BAHCC1: variants seen among roughly 807,000 people sequenced by gnomAD.
The protein encoded by BAHCC1 is BAH domain and coiled-coil containing 1.
A neutral mutation model predicts 88.2 loss-of-function variants in BAHCC1; 43 were observed. That is an observed-to-expected ratio of 0.49 (90% CI 0.38 to 0.63). The LOEUF (loss-of-function observed/expected upper bound fraction) is 0.63. BAHCC1 is among the 20% of genes least tolerant of loss of function. BAHCC1 has a pLI of 0.00. For synonymous variants in BAHCC1, 1,510 were observed against 745.5 expected, an observed-to-expected ratio of 2.03 and a Z score of -16.71; for missense variants, 3,023 against 1,654.8, an observed-to-expected ratio of 1.83 and a Z score of -14.34.
At chr17:81,405,130 GCTCACTGC>G (rs1290708270) in intron 2 of BAHCC1, among the ~76,000 whole-genome samples, 12 of 152,158 alleles carry the variant, frequency 7.9e-5, no homozygotes, top group Admixed American at 2.6e-4. Flanking sequence ...CACAATCTTG[GCTCACTGC>G]CTCACTGCAA....
chr17:81,418,209 C>T (rs1289942449), intron 2 of BAHCC1, among the ~76,000 whole-genome samples: 1 of 152,214 alleles, frequency 6.6e-6, no homozygotes, highest in Non-Finnish European at 1.5e-5. Flanking sequence ...CGGGACAGAG[C>T]GCCGCCCCGA....
intron 2 of BAHCC1, among the ~76,000 whole-genome samples, chr17:81,410,420 C>G (rs2063935337): frequency 6.6e-6 from 1 of 152,232 alleles, no homozygotes; most frequent in Non-Finnish European, 1.5e-5. Flanking sequence ...AACCTGGGCC[C>G]TTGGCTCCTG....
Position 81,461,356 on chromosome 17 carries a change from G to T in BAHCC1, c.6693G>T (p.Lys2231Asn). Reference protein sequence around the residue: ...KTCKALLMGDKDFSPKLGRPL... With the variant: ...KTCKALLMGDNDFSPKLGRPL... Reference sequence around the variant, plus strand: ...GCAAGGCGTTGCTCATGGGGGACAAGGACTTCAGCCCCAAGCTCGGGCGGC... The same window carrying T: ...GCAAGGCGTTGCTCATGGGGGACAATGACTTCAGCCCCAAGCTCGGGCGGC... Residue 2231 changes from lysine to asparagine, a missense_variant, in exon 26 of 28, where the codon AAG (lysine) becomes AAT (asparagine). Lys to Asn is a moderately conservative substitution (Grantham distance 94). Transcript: ENST00000675386. 1.4e-6 allele frequency: 1 copy of T among 729,320 alleles called. No homozygotes were observed. Among genetic ancestry groups the T allele is most frequent in the Non-Finnish European group, 2.5e-6 (1 of 395,814 alleles). The allele number at this position is 729,320 out of a possible 1,614,324, so 45.2% of individuals were successfully genotyped here. A position where few individuals can be genotyped will look rare whatever the true frequency, so the allele number is the denominator to read the frequency against.
At chr17:81,452,923 C>T in intron 14 of BAHCC1, 72 bp downstream of exon 14, 1 of 640,490 alleles carries the variant, frequency 1.6e-6, no homozygotes, top group Non-Finnish European at 2.8e-6. Context: ...GGAGCAGGGT[C>T]CAGGCTCCCC....
chr17:81,397,269 A>G (rs1224303892), intron 1 of BAHCC1: 5 of 152,162 alleles, frequency 3.3e-5, no homozygotes, highest in South Asian at 2.1e-4. Context: ...GTGAGAAAGG[A>G]ACAATCGGGC....
chr17:81,403,985 G>A (rs782649535), intron 2 of BAHCC1, among the ~76,000 whole-genome samples: 6 of 152,248 alleles, frequency 3.9e-5, no homozygotes, highest in African/African-American at 1.2e-4. Flanking sequence ...TGAGTAATAA[G>A]GCAAATTAGT....
At chr17:81,426,342 T>C (rs2064198146) in intron 2 of BAHCC1, among the ~76,000 whole-genome samples, 64 of 106,646 alleles carry the variant, frequency 6.0e-4, no homozygotes, top group African/African-American at 1.9e-3. Flanking sequence ...GTGGTGATAG[T>C]CGTGGGTGAT....
At chr17:81,427,560 C>T (rs1322515788) in intron 3 of BAHCC1, among the ~76,000 whole-genome samples, 2 of 152,138 alleles carry the variant, frequency 1.3e-5, no homozygotes, top group African/African-American at 4.8e-5. Context: ...CCTGGAGGCC[C>T]CCCTGGCCTT....
intron 1 of BAHCC1, chr17:81,396,653 A>T (rs2063749312): frequency 6.6e-6 from 1 of 152,088 alleles, no homozygotes; most frequent in Non-Finnish European, 1.5e-5. Flanking sequence ...GGGCGAGGAG[A>T]GAGCGGGTTT....
Position 81,399,981 on chromosome 17 carries a change from C to T in BAHCC1, c.178+64C>T, listed in dbSNP as rs1412192588. ...TCGAGAGCGGAACAGGGCGCCCACC[C>T]CTCCGCTCCCGGGAGCAGAGAAGCT... is the stretch of plus-strand genomic sequence containing the variant. On this transcript the variant is annotated intron_variant, in intron 2 of 27. Transcript: ENST00000675386. The surrounding 1 kb of genome is among the most constrained non-coding windows in gnomAD (Gnocchi z 4.5). The T allele has an allele frequency of 1.8e-5, 22 of 1,217,454 alleles. No homozygotes were observed. The highest frequency in any genetic ancestry group is 3.2e-4 in the Middle Eastern group (1 of 3,130). The allele number at this position is 1,217,454 out of a possible 1,614,324, so 75.4% of individuals were successfully genotyped here.
At chr17:81,416,665 G>T (rs572106030) in intron 2 of BAHCC1, among the ~76,000 whole-genome samples, 1 of 152,324 alleles carries the variant, frequency 6.6e-6, no homozygotes, top group African/African-American at 2.4e-5. Flanking sequence ...CACAAGGATG[G>T]GTGAGCACAC....
intron 10 of BAHCC1, chr17:81,446,726 A>AT (rs1322375108): frequency 1.4e-5 from 7 of 514,364 alleles, no homozygotes; most frequent in East Asian, 4.6e-5. Flanking sequence ...TTGTTCTTTA[A>AT]TTTTTTTGTA....
At position 81,461,545 on chromosome 17, in the gene BAHCC1, C is replaced by T. The variant is rs1466464886; in HGVS notation, c.6882C>T (p.Asp2294=). ...GCGACTGCCACAGCTCCTTCTCGGACGAGGACGAGGACGGGCCGGGGCTGG... is the reference window on the plus strand; with the variant it reads ...GCGACTGCCACAGCTCCTTCTCGGATGAGGACGAGGACGGGCCGGGGCTGG... The part of the protein sequence containing the change: ...YDSDCHSSFS[D]EDEDGPGLAA... Residue 2294 remains aspartate, a synonymous_variant, in exon 26 of 28, where the codon GAC becomes GAT. Coordinates refer to ENST00000675386, the MANE Select transcript of BAHCC1 (RefSeq NM_001377448.1). 5.5e-6 allele frequency: 4 copies of T among 725,686 alleles called. No individual in the cohort carries two copies. Among genetic ancestry groups the T allele is most frequent in the East Asian group, 2.6e-5 (1 of 38,206 alleles). 45.0% of individuals were successfully genotyped at this position (725,686 alleles called of 1,614,324 possible).
intron 14 of BAHCC1, among the ~76,000 whole-genome samples, chr17:81,454,716 G>C (rs968947989): frequency 2.6e-5 from 4 of 152,202 alleles, no homozygotes; most frequent in Admixed American, 6.5e-5. Context: ...GGCCGGGCCC[G>C]GCCTGCATAA....
intron 15 of BAHCC1, among the ~76,000 whole-genome samples, chr17:81,455,835 C>T (rs1555657131): frequency 1.3e-5 from 2 of 152,048 alleles, no homozygotes; most frequent in Non-Finnish European, 2.9e-5. Context: ...TGGGGGCTCT[C>T]TCGGCTGCCG....
chr17:81,463,652 G>A lies in BAHCC1; in HGVS notation c.7662G>A (p.Val2554=), dbSNP rs1354618786. The change falls in exon 28 of 28, where the codon GTG becomes GTA. Residue 2554 remains valine, a synonymous_variant. Transcript: ENST00000675386. ...CCTGCCACGAGGATGAGAACGACGT[G>A]CAGACCATCTCCCACAAGTGCCAGG... is the stretch of plus-strand genomic sequence containing the variant. ...YQSCHEDEND[V]QTISHKCQVV... is the part of the protein sequence containing the mutation. The A allele has an allele frequency of 7.7e-6, 6 of 779,604 alleles. No individual in the cohort carries two copies. In the East Asian group the frequency reaches 1.2e-4, roughly 16 times the overall value. 48.3% of individuals were successfully genotyped at this position (779,604 alleles called of 1,614,324 possible).
rs543006100 is a variant in BAHCC1 at position 81,435,393 on chromosome 17, C to T, written c.359-2977C>T. 23 of 465,640 alleles carry T rather than the reference C, an allele frequency of 4.9e-5. No individual in the cohort carries two copies. Among genetic ancestry groups the T allele is most frequent in the Admixed American group, 3.1e-4 (13 of 42,500 alleles). 28.8% of individuals were successfully genotyped at this position (465,640 alleles called of 1,614,324 possible). A position where few individuals can be genotyped will look rare whatever the true frequency, so the allele number is the denominator to read the frequency against. On this transcript the variant is annotated intron_variant, in intron 3 of 27. Transcript: ENST00000675386. This position sits in a 1 kb window ranked among gnomAD's most constrained non-coding sequence, Gnocchi z 4.4. ...TAGCAGGGGCAGGATGTGGGGACCT[C>T]GGTGCGACCCCCACTGCCCCCAGGG...
intron 2 of BAHCC1, among the ~76,000 whole-genome samples, chr17:81,410,839 G>C (rs781888685): frequency 5.8e-4 from 89 of 152,240 alleles, no homozygotes; most frequent in Middle Eastern, 6.8e-3. Flanking sequence ...CTCGGGGCGG[G>C]GGTGGGGGCT....
Position 81,459,509 on chromosome 17 carries a change from G to T in BAHCC1, c.5810G>T (p.Arg1937Leu), listed in dbSNP as rs372734786. The T allele has an allele frequency of 1.3e-6, 1 of 779,354 alleles. No homozygotes were observed. The highest frequency in any genetic ancestry group is 2.4e-6 in the Non-Finnish European group (1 of 417,840). 48.3% of individuals were successfully genotyped at this position (779,354 alleles called of 1,614,324 possible). ...QLLQEAVLDVRPQSSRYLPPG... is the reference protein window; with the variant it reads ...QLLQEAVLDVLPQSSRYLPPG... The stretch of plus-strand genomic sequence containing the variant: ...GCGTTCCTGCAGGTTCTCGATGTGC[G>T]GCCACAGTCCAGCCGGTACCTCCCG... Residue 1937 changes from arginine (R) to leucine (L), a missense_variant, in exon 23 of 28, where the codon CGG becomes CTG. Physicochemically the swap from Arg to Leu is moderately radical, Grantham distance 102 (BLOSUM62 -2). Coordinates refer to ENST00000675386, the MANE Select transcript of BAHCC1 (RefSeq NM_001377448.1).
Sources: allele counts gnomAD v4.1 joint callset (sites outside exome capture counted in the v4.1 genomes callset), GRCh38; gene constraint gnomAD v4.1.1; non-coding constraint Gnocchi (gnomAD v3.1); transcripts MANE v1.5; gene names NCBI Gene and HGNC (gene_info 2026-07-23, HGNC 2026-07-21).